MAML2: variants seen among roughly 807,000 people sequenced by gnomAD.
MAML2 encodes mastermind-like protein 2.
In MAML2, 22 loss-of-function variants were observed where a neutral mutation model predicts 96.1. The observed-to-expected ratio is 0.23, with a 90% CI of 0.16 to 0.33. The LOEUF is 0.33. MAML2 is among the 10% of genes least tolerant of loss of function. The pLI, the probability that MAML2 is intolerant of heterozygous loss-of-function variation, is 1.00. For missense variants in MAML2, 1,367 were observed against 1,392.4 expected (o/e 0.98, Z 0.29); for synonymous variants, 561 against 521.3 (o/e 1.08, Z -1.04).
In MAML2 at chr11:95,999,067, T is replaced by TA. The variant is rs551952093; in HGVS notation, c.2140-7345dup. On this transcript the variant is annotated intron_variant, in intron 2 of 4. Transcript: ENST00000524717. ...TCAAAGGCAGTTTGAAGTCCTTTTG[T>TA]AAAAAAGTCCAAATTAAAAAATTAA... is the stretch of plus-strand genomic sequence containing the variant. Among the ~76,000 whole-genome samples the TA allele has an allele frequency of 2.7e-3, 413 of 152,222 alleles. 2 individuals are homozygous for TA. Among genetic ancestry groups the TA allele is most frequent in the African/African-American group, 9.3e-3 (387 of 41,554 alleles).
intron 2 of MAML2, among the ~76,000 whole-genome samples, chr11:96,033,104 A>C (rs930123984): frequency 6.6e-6 from 1 of 152,216 alleles, no homozygotes; most frequent in Non-Finnish European, 1.5e-5. Flanking sequence ...TAAGACAACA[A>C]AACTAATACA....
rs78533934 is a variant in MAML2 at position 96,020,522 on chromosome 11, T to C, written c.2140-28799A>G. ...GATCTTGTTAAAAGGCAAAGCCTTA[T>C]TCGGTAGGTGTTAAGGGAGGGGGTG... On this transcript the variant is annotated intron_variant, in intron 2 of 4. Transcript: ENST00000524717. Among the ~76,000 whole-genome samples the C allele has an allele frequency of 8.5e-3, 1,293 of 152,330 alleles. 17 individuals carry two copies. The highest frequency in any genetic ancestry group is 0.048 in the East Asian group (248 of 5,192).
chr11:96,242,086 A>C (rs1862445756), intron 1 of MAML2, among the ~76,000 whole-genome samples: 1 of 152,250 alleles, frequency 6.6e-6, no homozygotes, highest in Non-Finnish European at 1.5e-5. Flanking sequence ...CTATGATCCA[A>C]GGAAGTTAAT....
At chr11:96,101,791 A>G (rs1456196799) in intron 1 of MAML2, among the ~76,000 whole-genome samples, 1 of 152,198 alleles carries the variant, frequency 6.6e-6, no homozygotes, top group Non-Finnish European at 1.5e-5. Context: ...GGCATGTGCT[A>G]GAAAAAGAGA....
At chr11:95,985,459 G>C (rs1857810023) in intron 4 of MAML2, 72 bp downstream of exon 4, 2 of 812,544 alleles carry the variant, frequency 2.5e-6, no homozygotes, top group Non-Finnish European at 4.0e-6. Flanking sequence ...GTGAGTTACA[G>C]GGATTATTGA....
chr11:96,029,586 C>G (rs1036139958), intron 2 of MAML2, among the ~76,000 whole-genome samples: 1 of 152,054 alleles, frequency 6.6e-6, no homozygotes, highest in African/African-American at 2.4e-5. Flanking sequence ...AACAGGGTAA[C>G]GGATGGTACT....
intron 1 of MAML2, among the ~76,000 whole-genome samples, chr11:96,288,116 T>C (rs184057900): frequency 6.0e-4 from 92 of 152,322 alleles, no homozygotes; most frequent in African/African-American, 2.1e-3. Context: ...ATTCTATCCT[T>C]GTTCAATATA....
At chr11:96,190,789 CAT>C (rs987736796) in intron 1 of MAML2, among the ~76,000 whole-genome samples, 6 of 152,050 alleles carry the variant, frequency 3.9e-5, no homozygotes, top group African/African-American at 1.4e-4. Context: ...CAGGGGGTCT[CAT>C]GTGTAAAAAC....
At chr11:96,335,873 G>A (rs1863914442) in intron 1 of MAML2, among the ~76,000 whole-genome samples, 1 of 152,004 alleles carries the variant, frequency 6.6e-6, no homozygotes, top group African/African-American at 2.4e-5. Context: ...TAACTTACAT[G>A]CCTGCACTCA....
intron 1 of MAML2, among the ~76,000 whole-genome samples, chr11:96,191,760 A>C (rs77481804): frequency 7.0e-6 from 1 of 142,192 alleles, no homozygotes; most frequent in Admixed American, 7.2e-5. Context: ...AACAGAGCGA[A>C]ACTCTGTCTC....
chr11:96,157,016 CA>C (rs1861020584), intron 1 of MAML2, among the ~76,000 whole-genome samples: 2 of 152,178 alleles, frequency 1.3e-5, no homozygotes, highest in South Asian at 4.1e-4. Context: ...ACTCAGAAGG[CA>C]AAAGGGTTCA....
At chr11:96,041,922 C>A (rs1474122655) in intron 2 of MAML2, among the ~76,000 whole-genome samples, 1 of 151,830 alleles carries the variant, frequency 6.6e-6, no homozygotes, top group Admixed American at 6.6e-5. Context: ...GATTCTCCTG[C>A]CTCAGCCTCT....
intron 1 of MAML2, among the ~76,000 whole-genome samples, chr11:96,281,325 C>T (rs1293605257): frequency 1.3e-5 from 2 of 152,084 alleles, no homozygotes; most frequent in African/African-American, 2.4e-5. Flanking sequence ...ATGGATAGAT[C>T]ACTAAACATT....
At chr11:96,140,944 G>C (rs1860720771) in intron 1 of MAML2, among the ~76,000 whole-genome samples, 1 of 152,158 alleles carries the variant, frequency 6.6e-6, no homozygotes, top group Non-Finnish European at 1.5e-5. Context: ...TCAGGACTAG[G>C]TTGGCCAGAT....
At chr11:95,982,497 G>A (rs1218353015) in intron 4 of MAML2, among the ~76,000 whole-genome samples, 4 of 152,096 alleles carry the variant, frequency 2.6e-5, no homozygotes, top group Non-Finnish European at 5.9e-5. Context: ...GACTAGTGAT[G>A]TGGTAGCTAC....
Position 95,990,490 on chromosome 11 carries a change from G to A in MAML2, c.2343+1030C>T, listed in dbSNP as rs75326349. On this transcript the variant is annotated intron_variant, in intron 3 of 4. Coordinates refer to ENST00000524717, the MANE Select transcript of MAML2 (RefSeq NM_032427.4). ...TCTCTTACTCCACTTTCAGATATTC[G>A]GTAGATAGAAAGTTCTTTCTGAAAT... Among the ~76,000 whole-genome samples, 177 of 152,168 alleles carry A rather than the reference G, an allele frequency of 1.2e-3. 1 individual carries two copies. The highest frequency in any genetic ancestry group is 6.8e-3 in the Middle Eastern group (2 of 294).
chr11:95,990,495 A>AT (rs574652932), intron 3 of MAML2, among the ~76,000 whole-genome samples: 95 of 152,304 alleles, frequency 6.2e-4, no homozygotes, highest in Admixed American at 1.4e-3. Context: ...TATTCGGTAG[A>AT]TAGAAAGTTC....
At chr11:96,103,158 T>C (rs1019726608) in intron 1 of MAML2, among the ~76,000 whole-genome samples, 1 of 152,194 alleles carries the variant, frequency 6.6e-6, no homozygotes, top group Non-Finnish European at 1.5e-5. Flanking sequence ...TTCTTGGTAA[T>C]TGATTCAGGT....
intron 1 of MAML2, among the ~76,000 whole-genome samples, chr11:96,206,835 C>T (rs1861902544): frequency 6.6e-6 from 1 of 152,028 alleles, no homozygotes; most frequent in Non-Finnish European, 1.5e-5. Context: ...TTGGAAATTT[C>T]TGGAAAAATA....
Sources: gnomAD v4.1 joint callset for allele counts (sites outside exome capture counted in the v4.1 genomes callset) on GRCh38, gnomAD v4.1.1 for gene constraint, MANE v1.5 for transcripts, NCBI Gene and HGNC (gene_info 2026-07-23, HGNC 2026-07-21) for gene names.